Variants in TEPSIN observed in about 807,000 individuals in gnomAD.
TEPSIN encodes AP-4 complex accessory subunit tepsin.
Under a neutral mutation model 48.5 loss-of-function variants are expected in TEPSIN, and 50 were observed. The ratio of observed to expected loss-of-function variants is 1.03; its 90% CI spans 0.82 to 1.31. The LOEUF (loss-of-function observed/expected upper bound fraction) is 1.31, where lower values mean the gene tolerates loss of function less well. Among genes scored for constraint, TEPSIN ranks in the 50% most tolerant of loss-of-function variants. The pLI, the probability that TEPSIN is intolerant of heterozygous loss-of-function variation, is 0.00. For synonymous variants in TEPSIN, 392 were observed against 358.8 expected (o/e 1.09, Z -1.05); for missense variants, 838 against 815.9 (o/e 1.03, Z -0.33).
rs61745844 is a variant in TEPSIN at position 81,231,872 on chromosome 17, G to A, written c.880C>T (p.Arg294Trp). ...SGSDSHSGAS[R>W]EPGDLAERVE... ...CTTTCTGCCAGGTCACCCGGCTCCC[G>A]GCTGGCCCCTGAATGGCTGTCGCTG... Residue 294 changes from arginine to tryptophan, a missense_variant, in exon 9 of 13, where the codon CGG becomes TGG. Transcript: ENST00000637944. The A allele has an allele frequency of 8.6e-3, 13,928 of 1,613,502 alleles. 87 individuals carry two copies. The highest frequency in any genetic ancestry group is 9.7e-3 in the South Asian group (881 of 91,072).
chr17:81,232,068 GC>G, intron 8 of TEPSIN, 47 bp from the exon 9 acceptor site: 1 of 1,578,784 alleles, frequency 6.3e-7, no homozygotes, highest in East Asian at 2.2e-5. Flanking sequence ...CTTCAGGCCA[GC>G]CCCATGCCCA....
Position 81,232,352 on chromosome 17 carries a change from C to A in TEPSIN, c.693G>T (p.Leu231=). The A allele has an allele frequency of 6.5e-7, 1 of 1,534,838 alleles. No individual in the cohort carries two copies. Among genetic ancestry groups the A allele is most frequent in the Non-Finnish European group, 8.7e-7 (1 of 1,145,944 alleles). Residue 231 remains leucine (L), a synonymous_variant, in exon 8 of 13, where the codon CTG becomes CTT. Coordinates refer to ENST00000637944, the MANE Select transcript of TEPSIN (RefSeq NM_001363764.2). ...GAATGGCCCCGGGGAGTAGGTTCCC[C>A]AGGGTTGGGGGACCGTGGCTGGCTG... is the stretch of plus-strand genomic sequence containing the variant. ...MPSASHGPPT[L]GNLLPGAIPG... is the part of the protein sequence containing the mutation.
rs766570995 is a variant in TEPSIN, at chr17:81,232,363, G to A, written c.682C>T (p.Pro228Ser). 1 of 1,535,466 alleles carries A rather than the reference G, an allele frequency of 6.5e-7. No individual in the cohort carries two copies. The highest frequency in any genetic ancestry group is 1.2e-5 in the South Asian group (1 of 84,020). The change falls in exon 8 of 13, where the codon CCC becomes TCC. Residue 228 changes from proline (P) to serine (S), a missense_variant. Transcript: ENST00000637944. ...GGGAGTAGGTTCCCCAGGGTTGGGGGACCGTGGCTGGCTGAAGGCATCATG... is the reference window on the plus strand; with the variant it reads ...GGGAGTAGGTTCCCCAGGGTTGGGGAACCGTGGCTGGCTGAAGGCATCATG... ...PAMMPSASHGPPTLGNLLPGA... is the reference protein window; with the variant it reads ...PAMMPSASHGSPTLGNLLPGA...
chr17:81,231,329 GCACA>G, intron 11 of TEPSIN, 65 bp downstream of exon 11: 1 of 1,404,532 alleles, frequency 7.1e-7, no homozygotes, highest in African/African-American at 1.5e-5. Context: ...GCACACACAC[GCACA>G]CGCACACACA....
rs200745066 is a variant in TEPSIN, at chr17:81,229,274, G to A, written c.1436C>T (p.Pro479Leu). The A allele has an allele frequency of 6.3e-6, 10 of 1,577,284 alleles. No homozygotes were observed. The highest frequency in any genetic ancestry group is 1.4e-5 in the African/African-American group (1 of 73,816). Residue 479 changes from proline (P) to leucine (L), a missense_variant, in exon 13 of 13, where the codon CCG becomes CTG. By Grantham distance (98) the Pro-to-Leu change is moderately conservative. Transcript: ENST00000637944. ...SRSPAPSSGMPSSPVPTPPPD... is the reference protein window; with the variant it reads ...SRSPAPSSGMLSSPVPTPPPD... ...GGGTGGGGTGGGCACAGGGCTGGAC[G>A]GCATCCCAGATGAGGGAGCAGGGCT...
At chr17:81,231,719 G>C in intron 9 of TEPSIN, 28 bp from the exon 10 acceptor site, 1 of 1,609,760 alleles carries the variant, frequency 6.2e-7, no homozygotes, top group Non-Finnish European at 8.5e-7. Context: ...CGGGTCAAGG[G>C]TGAGTGGAGG....
rs2271089 is a variant in TEPSIN at position 81,236,907 on chromosome 17, G to T, written c.213+73C>A. 7 of 1,528,902 alleles carry T rather than the reference G, an allele frequency of 4.6e-6. No homozygotes were observed. In the African/African-American group the frequency reaches 9.7e-5, roughly 21 times the overall value. 94.7% of individuals were successfully genotyped at this position (1,528,902 alleles called of 1,614,324 possible). Reference sequence around the variant, plus strand: ...ACAGAGCTGCCTGCCACCCTGGGCCGCTCGTCTGCTCCTCCATCCTCACCA... The same window carrying T: ...ACAGAGCTGCCTGCCACCCTGGGCCTCTCGTCTGCTCCTCCATCCTCACCA... On this transcript the variant is annotated intron_variant, in intron 3 of 12. Coordinates refer to ENST00000637944, the MANE Select transcript of TEPSIN (RefSeq NM_001363764.2).
At position 81,236,694 on chromosome 17, in the gene TEPSIN, C is replaced by A. The variant is rs201868485; in HGVS notation, c.307+14G>T. On this transcript the variant is annotated intron_variant, in intron 4 of 12. Transcript: ENST00000637944. ...AGCCCTGGCTCTTCCTGAGCGCGTG[C>A]GCGGCCCCTGTACCTGCAGCTTCCT... 3.2e-6 allele frequency: 5 copies of A among 1,553,212 alleles called. No individual in the cohort carries two copies. In the South Asian group the frequency reaches 4.7e-5, roughly 15 times the overall value.
Position 81,233,740 on chromosome 17 carries a change from C to T in TEPSIN, c.376-24G>A. On this transcript the variant is annotated intron_variant, in intron 5 of 12. Transcript: ENST00000637944. This position sits in a 1 kb window ranked among gnomAD's most constrained non-coding sequence, Gnocchi z 5.8. The stretch of plus-strand genomic sequence containing the variant: ...TCCTACAGGGGGAGGCGAAGGCCCT[C>T]AGTGTCCTCACACCAGGGCCTGCTG... The T allele has an allele frequency of 5.7e-6, 9 of 1,574,080 alleles. No homozygotes were observed. Among genetic ancestry groups the T allele is most frequent in the Non-Finnish European group, 7.7e-6 (9 of 1,161,770 alleles).
rs1325964642 is a variant in TEPSIN, at chr17:81,237,431, T to G, written c.77A>C (p.Asp26Ala). Reference protein sequence around the residue: ...RLPILLKGTSDDDVPCPGYLF... With the variant: ...RLPILLKGTSADDVPCPGYLF... ...GTAGCCCGGACACGGGACATCATCA[T>G]CGGACGTCCCCTTCAGGAGAATCGG... Residue 26 changes from aspartate (D) to alanine (A), a missense_variant, in exon 2 of 13, where the codon GAT (aspartate) becomes GCT (alanine). By Grantham distance (126) the Asp-to-Ala change is moderately radical. Coordinates refer to ENST00000637944, the MANE Select transcript of TEPSIN (RefSeq NM_001363764.2). 6.2e-7 allele frequency: 1 copy of G among 1,611,392 alleles called. No individual in the cohort carries two copies. Among genetic ancestry groups the G allele is most frequent in the East Asian group, 2.2e-5 (1 of 44,868 alleles).
At position 81,231,629 on chromosome 17, in the gene TEPSIN, C is replaced by T. The variant is rs541063582; in HGVS notation, c.968G>A (p.Arg323Gln). 19 of 1,613,196 alleles carry T rather than the reference C, an allele frequency of 1.2e-5. No individual in the cohort carries two copies. Among genetic ancestry groups the T allele is most frequent in the East Asian group, 4.5e-5 (2 of 44,854 alleles). The change falls in exon 10 of 13, where the codon CGG (arginine) becomes CAG (glutamine). Residue 323 changes from arginine to glutamine, a missense_variant. Transcript: ENST00000637944. ...QELSLVRTVT[R>Q]GPRAFLSREE... The stretch of plus-strand genomic sequence containing the variant: ...GCGGCTCAGGAAGGCGCGTGGTCCC[C>T]GAGTCACAGTCCTCACCAAGCTCAA...
chr17:81,228,986 G>A lies in TEPSIN; in HGVS notation c.1724C>T (p.Thr575Ile). Residue 575 changes from threonine to isoleucine, a missense_variant, in exon 13 of 13, where the codon ACA (threonine) becomes ATA (isoleucine). Physicochemically the swap from Thr to Ile is moderately conservative, Grantham distance 89. Coordinates refer to ENST00000637944, the MANE Select transcript of TEPSIN (RefSeq NM_001363764.2). ...TGAGCCAGGAGGCTCTTTGGCTGCT[G>A]TCCTCTGGGACGATGTTTGGGGGGC... ...PRAPQTSSQR[T>I]AAKEPPGSEP... The A allele has an allele frequency of 6.2e-7, 1 of 1,613,746 alleles. No individual in the cohort carries two copies. Among genetic ancestry groups the A allele is most frequent in the Non-Finnish European group, 8.5e-7 (1 of 1,180,024 alleles).
Position 81,233,806 on chromosome 17 carries a change from G to A in TEPSIN, c.376-90C>T, listed in dbSNP as rs371589300. The A allele has an allele frequency of 9.1e-6, 13 of 1,427,346 alleles. No homozygotes were observed. The highest frequency in any genetic ancestry group is 5.0e-5 in the East Asian group (2 of 40,210). The allele number at this position is 1,427,346 out of a possible 1,614,324, so 88.4% of individuals were successfully genotyped here. A position where few individuals can be genotyped will look rare whatever the true frequency, so the allele number is the denominator to read the frequency against. On this transcript the variant is annotated intron_variant, in intron 5 of 12. Transcript: ENST00000637944. This position sits in a 1 kb window ranked among gnomAD's most constrained non-coding sequence, Gnocchi z 5.8. ...CCATATCAGCTCCGTTCTGTCCCCC[G>A]GACACTTCTCCTGAGCCACTCAGCT... is the stretch of plus-strand genomic sequence containing the variant.
intron 1 of TEPSIN, chr17:81,237,922 C>T: frequency 1.0e-6 from 1 of 972,240 alleles, no homozygotes; most frequent in Non-Finnish European, 1.2e-6. Context: ...CTAGCTCCAT[C>T]GCTCCCCGAG....
chr17:81,228,979 G>A lies in TEPSIN; in HGVS notation c.1731C>T (p.Ala577=). 3.7e-6 allele frequency: 6 copies of A among 1,613,804 alleles called. No individual in the cohort carries two copies. The highest frequency in any genetic ancestry group is 4.2e-6 in the Non-Finnish European group (5 of 1,180,014). ...ACGGCTCTGAGCCAGGAGGCTCTTTGGCTGCTGTCCTCTGGGACGATGTTT... is the reference window on the plus strand; with the variant it reads ...ACGGCTCTGAGCCAGGAGGCTCTTTAGCTGCTGTCCTCTGGGACGATGTTT... ...APQTSSQRTA[A]KEPPGSEPSA... The change falls in exon 13 of 13, where the codon GCC becomes GCT. Residue 577 remains alanine, a synonymous_variant. Coordinates refer to ENST00000637944, the MANE Select transcript of TEPSIN (RefSeq NM_001363764.2).
In TEPSIN at chr17:81,232,380, G is replaced by A; in HGVS notation, c.665C>T (p.Pro222Leu). The A allele has an allele frequency of 1.3e-6, 2 of 1,535,750 alleles. No homozygotes were observed. The change falls in exon 8 of 13, where the codon CCT becomes CTT. Residue 222 changes from proline to leucine, a missense_variant. By Grantham distance (98) the Pro-to-Leu change is moderately conservative (BLOSUM62 -3). Transcript: ENST00000637944. ...GGTTGGGGGACCGTGGCTGGCTGAA[G>A]GCATCATGGCAGGCTGGTAGGTGTC... Reference protein sequence around the residue: ...RGDTYQPAMMPSASHGPPTLG... With the variant: ...RGDTYQPAMMLSASHGPPTLG...
rs758904673 is a variant in TEPSIN at position 81,230,511 on chromosome 17, C to T, written c.1233+33G>A. 12 of 1,607,892 alleles carry T rather than the reference C, an allele frequency of 7.5e-6. 1 individual carries two copies. Among genetic ancestry groups the T allele is most frequent in the East Asian group, 2.2e-5 (1 of 44,674 alleles). ...CGTATCTCCCACTGTACCCTTGGAC[C>T]CCGGTGTGCGTGTGGCCTCCGCAGC... On this transcript the variant is annotated intron_variant, in intron 12 of 12. Transcript: ENST00000637944. The surrounding 1 kb of genome is among the most constrained non-coding windows in gnomAD (Gnocchi z 4.2).
Position 81,238,549 on chromosome 17 carries a change from G to A in TEPSIN, c.48+437C>T, listed in dbSNP as rs917838588. On this transcript the variant is annotated intron_variant, in intron 1 of 12. Coordinates refer to ENST00000637944, the MANE Select transcript of TEPSIN (RefSeq NM_001363764.2). ...CCTTCTCTGTCCCTTCGAGACGTCT[G>A]TGTTCTCTGCAACCCAGGGGTGCCT... The A allele has an allele frequency of 7.4e-6, 7 of 941,514 alleles. No homozygotes were observed. The East Asian group carries it at 4.3e-4, about 58-fold the overall frequency. The allele number at this position is 941,514 out of a possible 1,614,324, so 58.3% of individuals were successfully genotyped here.
chr17:81,237,154 G>T, intron 2 of TEPSIN, 83 bp from the exon 3 acceptor site: 1 of 1,419,488 alleles, frequency 7.0e-7, no homozygotes, highest in Non-Finnish European at 9.7e-7. Context: ...GGGCCTCTCA[G>T]TTCACGCTCC....
Sources: allele counts gnomAD v4.1 joint callset, GRCh38; gene constraint gnomAD v4.1.1; non-coding constraint Gnocchi (gnomAD v3.1); transcripts MANE v1.5; gene names NCBI Gene and HGNC (gene_info 2026-07-23, HGNC 2026-07-21).